Variants in TGFB3 observed in about 807,000 individuals in gnomAD.
TGFB3 encodes the protein transforming growth factor beta-3 proprotein.
Under a neutral mutation model 40.1 loss-of-function variants are expected in TGFB3, and 5 were observed. The observed-to-expected ratio is 0.12, with a 90% CI of 0.07 to 0.26. The LOEUF is 0.26. Among genes scored for constraint, TGFB3 ranks in the 10% least tolerant of loss-of-function variants. The pLI, the probability that TGFB3 is intolerant of heterozygous loss-of-function variation, is 1.00. For synonymous variants in TGFB3, 184 were observed against 205.6 expected, an observed-to-expected ratio of 0.89 and a Z score of 0.90; for missense variants, 373 against 530.1, an observed-to-expected ratio of 0.70 and a Z score of 2.91.
At position 75,978,130 on chromosome 14, in the gene TGFB3, T is replaced by A. The variant is rs1489175564; in HGVS notation, c.352+2412A>T. On this transcript the variant is annotated intron_variant, in intron 1 of 6. Coordinates refer to ENST00000238682, the MANE Select transcript of TGFB3 (RefSeq NM_003239.5). The surrounding 1 kb of genome is among the most constrained non-coding windows in gnomAD (Gnocchi z 5.0). ...GCTCCTACTGTCACTTTCCTTTGAA[T>A]GCATGTTCACTGGGTCAGGGAAGTG... 6.6e-6 allele frequency among the ~76,000 whole-genome samples: 1 copy of A among 152,160 alleles called. No homozygotes were observed. Among genetic ancestry groups the A allele is most frequent in the Non-Finnish European group, 1.5e-5 (1 of 68,038 alleles).
intron 5 of TGFB3, among the ~76,000 whole-genome samples, chr14:75,961,419 T>C (rs1454245197): frequency 6.6e-6 from 1 of 152,250 alleles, no homozygotes; most frequent in African/African-American, 2.4e-5. Context: ...CTCAGCTTTG[T>C]TGAGGTTGGT....
chr14:75,975,248 A>T (rs2035340047), intron 1 of TGFB3, among the ~76,000 whole-genome samples: 1 of 151,898 alleles, frequency 6.6e-6, no homozygotes, highest in African/African-American at 2.4e-5. Flanking sequence ...GGCACCTGTA[A>T]CCCCAGCTAC....
At chr14:75,966,782 G>A (rs2035226337) in intron 3 of TGFB3, 1 of 152,164 alleles carries the variant, frequency 6.6e-6, no homozygotes, top group African/African-American at 2.4e-5. Flanking sequence ...TGAAGTGAAG[G>A]AAAAAGAAAG....
rs3917203 is a variant in TGFB3 at position 75,962,986 on chromosome 14, T to C, written c.926+330A>G. 5.8e-3 allele frequency: 2,600 copies of C among 445,842 alleles called. 60 individuals carry two copies. Among genetic ancestry groups the C allele is most frequent in the African/African-American group, 0.046 (2,288 of 50,186 alleles). 27.6% of individuals were successfully genotyped at this position (445,842 alleles called of 1,614,324 possible). ...TAATCTCACACATACACTCTACAAG[T>C]GCTTAAAACATGGAAATCATGGAGA... On this transcript the variant is annotated intron_variant, in intron 5 of 6. Transcript: ENST00000238682.
In TGFB3 at chr14:75,980,090, C is replaced by T. The variant is rs567777123; in HGVS notation, c.352+452G>A. Among the ~76,000 whole-genome samples, 78 of 152,296 alleles carry T rather than the reference C, an allele frequency of 5.1e-4. 1 individual carries two copies. Among genetic ancestry groups the T allele is most frequent in the Non-Finnish European group, 1.2e-4 (8 of 68,036 alleles). ...AGAACTGGAAAAACTGAAACGGAGA[C>T]GTGTCACAATGAGTTGTGAAAAGCA... On this transcript the variant is annotated intron_variant, in intron 1 of 6. Transcript: ENST00000238682. The surrounding 1 kb of genome is among the most constrained non-coding windows in gnomAD (Gnocchi z 4.3).
rs1486086826 is a variant in TGFB3, at chr14:75,980,126, G to A, written c.352+416C>T. ...GAGTTGTGAAAAGCAGGGAGAAGAT[G>A]AGGTCTCCACACTGAGAACCGTAAG... On this transcript the variant is annotated intron_variant, in intron 1 of 6. Coordinates refer to ENST00000238682, the MANE Select transcript of TGFB3 (RefSeq NM_003239.5). This position sits in a 1 kb window ranked among gnomAD's most constrained non-coding sequence, Gnocchi z 4.3. Among the ~76,000 whole-genome samples the A allele has an allele frequency of 1.3e-5, 2 of 152,210 alleles. No homozygotes were observed. The highest frequency in any genetic ancestry group is 1.3e-4 in the Admixed American group (2 of 15,288).
chr14:75,959,824 G>A (rs766122826), intron 6 of TGFB3, among the ~76,000 whole-genome samples: 5 of 150,362 alleles, frequency 3.3e-5, no homozygotes, highest in Non-Finnish European at 5.9e-5. Context: ...GTGAGTAGTT[G>A]TGTAGTTGCT....
chr14:75,981,770 T>G lies in TGFB3; in HGVS notation c.-877A>C, dbSNP rs934638112. On this transcript the variant is annotated 5_prime_UTR_variant, in exon 1 of 7. Transcript: ENST00000238682. The surrounding 1 kb of genome is among the most constrained non-coding windows in gnomAD (Gnocchi z 4.7). ...CTGTCCCCTGCTTCTCTTTAAAAAA[T>G]AAAAAGGAGAAAAAAATAAAATAAA... is the stretch of plus-strand genomic sequence containing the variant. 6.6e-6 allele frequency: 1 copy of G among 152,036 alleles called. No homozygotes were observed. Among genetic ancestry groups the G allele is most frequent in the African/African-American group, 2.4e-5 (1 of 41,338 alleles). The allele number at this position is 152,036 out of a possible 1,614,324, so 9.4% of individuals were successfully genotyped here. A position where few individuals can be genotyped will look rare whatever the true frequency, so the allele number is the denominator to read the frequency against.
chr14:75,973,331 A>C (rs541462714), intron 1 of TGFB3, among the ~76,000 whole-genome samples: 1 of 152,382 alleles, frequency 6.6e-6, no homozygotes, highest in African/African-American at 2.4e-5. Context: ...GTGTTTCTGG[A>C]AATTGCCATC....
At position 75,980,597 on chromosome 14, in the gene TGFB3, T is replaced by C. The variant is rs2035413644; in HGVS notation, c.297A>G (p.Glu99=). The C allele has an allele frequency of 1.2e-6, 2 of 1,614,218 alleles. No homozygotes were observed. The change falls in exon 1 of 7, where the codon GAA becomes GAG. Residue 99 remains glutamate (E), a synonymous_variant. Coordinates refer to ENST00000238682, the MANE Select transcript of TGFB3 (RefSeq NM_003239.5). This position sits in a 1 kb window ranked among gnomAD's most constrained non-coding sequence, Gnocchi z 4.3. ...ATTTATGGATTTCTTTGGCATAGTATTCCGACTCGGTGTTTTCCTGGGTGC... is the reference window on the plus strand; with the variant it reads ...ATTTATGGATTTCTTTGGCATAGTACTCCGACTCGGTGTTTTCCTGGGTGC... ...EGCTQENTES[E]YYAKEIHKFD...
At chr14:75,975,754 G>A (rs2035346471) in intron 1 of TGFB3, among the ~76,000 whole-genome samples, 1 of 152,180 alleles carries the variant, frequency 6.6e-6, no homozygotes, top group Non-Finnish European at 1.5e-5. Flanking sequence ...AGCTGGGAGG[G>A]ATCTGGGAGA....
chr14:75,980,870 A>G lies in TGFB3; in HGVS notation c.24T>C (p.Ala8=), dbSNP rs1193391298. MKMHLQR[A]LVVLALLNFA... is the part of the protein sequence containing the mutation. ...AGTTCAGCAGGGCCAGGACCACCAGAGCCCTTTGCAAGTGCATCTTCATGT... is the reference window on the plus strand; with the variant it reads ...AGTTCAGCAGGGCCAGGACCACCAGGGCCCTTTGCAAGTGCATCTTCATGT... The change falls in exon 1 of 7, where the codon GCT becomes GCC. Residue 8 remains alanine, a synonymous_variant. Coordinates refer to ENST00000238682, the MANE Select transcript of TGFB3 (RefSeq NM_003239.5). The surrounding 1 kb of genome is among the most constrained non-coding windows in gnomAD (Gnocchi z 4.3). 1 of 1,614,154 alleles carries G rather than the reference A, an allele frequency of 6.2e-7. No homozygotes were observed. The highest frequency in any genetic ancestry group is 1.1e-5 in the South Asian group (1 of 91,074).
intron 3 of TGFB3, among the ~76,000 whole-genome samples, chr14:75,968,841 T>A (rs2035252757): frequency 6.6e-6 from 1 of 152,092 alleles, no homozygotes. Flanking sequence ...CTGGGCTCCG[T>A]GGCATCAAGC....
In TGFB3 at chr14:75,968,840, G is replaced by A. The variant is rs567644848; in HGVS notation, c.646+2286C>T. On this transcript the variant is annotated intron_variant, in intron 3 of 6. Transcript: ENST00000238682. ...CATTTATGTGACTTGCCTGGGCTCC[G>A]TGGCATCAAGCAATGCAAACTCGAT... Among the ~76,000 whole-genome samples, 37 of 152,242 alleles carry A rather than the reference G, an allele frequency of 2.4e-4. 1 individual carries two copies. In the South Asian group the frequency reaches 3.1e-3, roughly 13 times the overall value.
intron 4 of TGFB3, among the ~76,000 whole-genome samples, chr14:75,965,249 C>T (rs1390274560): frequency 6.6e-6 from 1 of 152,206 alleles, no homozygotes; most frequent in Non-Finnish European, 1.5e-5. Flanking sequence ...CACTGTGTTC[C>T]TTATTCATTA....
chr14:75,968,481 A>G (rs2035248168), intron 3 of TGFB3, among the ~76,000 whole-genome samples: 1 of 152,348 alleles, frequency 6.6e-6, no homozygotes, highest in South Asian at 2.1e-4. Context: ...ATCATTCTCA[A>G]TGCAAACTTC....
chr14:75,971,564 C>T lies in TGFB3; in HGVS notation c.507G>A (p.Glu169=), dbSNP rs781377701. 6.8e-6 allele frequency: 11 copies of T among 1,614,176 alleles called. No individual in the cohort carries two copies. The East Asian group carries it at 2.5e-4, about 36-fold the overall frequency. ...CTGAGAGAGGAGTTACCTGGAAGAG[C>T]TCGATCCTCTGCTCATTCCGCTTAG... ...PSSKRNEQRI[E]LFQILRPDEH... Residue 169 remains glutamate, a synonymous_variant, in exon 2 of 7, where the codon GAG becomes GAA. Coordinates refer to ENST00000238682, the MANE Select transcript of TGFB3 (RefSeq NM_003239.5). The surrounding 1 kb of genome is among the most constrained non-coding windows in gnomAD (Gnocchi z 4.5).
rs556035660 is a variant in TGFB3, at chr14:75,981,181, G to T, written c.-288C>A. On this transcript the variant is annotated 5_prime_UTR_variant, in exon 1 of 7. Coordinates refer to ENST00000238682, the MANE Select transcript of TGFB3 (RefSeq NM_003239.5). This position sits in a 1 kb window ranked among gnomAD's most constrained non-coding sequence, Gnocchi z 4.7. ...GCTCTGACTCCCAGCAGGCCAGGTGGAGGGCAAGCAGAGGGCTGGGAGGGG... is the reference window on the plus strand; with the variant it reads ...GCTCTGACTCCCAGCAGGCCAGGTGTAGGGCAAGCAGAGGGCTGGGAGGGG... The T allele has an allele frequency of 7.3e-5, 34 of 465,186 alleles. 1 individual carries two copies. Among genetic ancestry groups the T allele is most frequent in the African/African-American group, 5.3e-4 (27 of 50,960 alleles). 28.8% of individuals were successfully genotyped at this position (465,186 alleles called of 1,614,324 possible).
chr14:75,964,982 C>A (rs1009942007), intron 4 of TGFB3, among the ~76,000 whole-genome samples: 1 of 152,166 alleles, frequency 6.6e-6, no homozygotes, highest in Non-Finnish European at 1.5e-5. Flanking sequence ...CAGAGATCAT[C>A]AAGGCTGAGT....
Sources: gnomAD v4.1 joint callset for allele counts (sites outside exome capture counted in the v4.1 genomes callset) on GRCh38, gnomAD v4.1.1 for gene constraint, Gnocchi (gnomAD v3.1) non-coding constraint, MANE v1.5 for transcripts, NCBI Gene and HGNC (gene_info 2026-07-23, HGNC 2026-07-21) for gene names.